UGT1A8: variants seen among roughly 807,000 people sequenced by gnomAD.
UGT1A8 encodes the protein UDP glucuronosyltransferase family 1 member A8, also known as UDP-glucuronosyltransferase 1A8.
A neutral mutation model predicts 45.3 loss-of-function variants in UGT1A8; 39 were observed. The ratio of observed to expected loss-of-function variants is 0.86; its 90% confidence interval spans 0.67 to 1.12. The LOEUF is 1.12. UGT1A8 is among the 50% of genes most tolerant of loss of function. UGT1A8 has a pLI of 0.00. For missense variants in UGT1A8, 719 were observed against 664.9 expected, an observed-to-expected ratio of 1.08 and a Z score of -0.90; for synonymous variants, 275 against 249.2, an observed-to-expected ratio of 1.10 and a Z score of -0.97.
intron 1 of UGT1A8, chr2:233,682,622 G>C: frequency 6.2e-7 from 1 of 1,613,866 alleles, no homozygotes; most frequent in Non-Finnish European, 8.5e-7. Flanking sequence ...AAATGTCTTA[G>C]AAATAGCCTC....
chr2:233,650,804 A>G (rs902518097), intron 1 of UGT1A8, among the ~76,000 whole-genome samples: 11 of 152,346 alleles, frequency 7.2e-5, no homozygotes, highest in African/African-American at 2.6e-4. Flanking sequence ...ACAAGTTAGT[A>G]AAAGTTTGTT....
At chr2:233,749,591 G>A (rs1280802236) in intron 1 of UGT1A8, among the ~76,000 whole-genome samples, 27 of 151,796 alleles carry the variant, frequency 1.8e-4, no homozygotes. Context: ...GTCTCAACAT[G>A]AAGTCACACT....
At chr2:233,648,897 T>A (rs1018086317) in intron 1 of UGT1A8, 1 of 1,327,890 alleles carries the variant, frequency 7.5e-7, no homozygotes, top group Non-Finnish European at 1.1e-6. Flanking sequence ...TCATGGCATA[T>A]GATCTCTACA....
At position 233,690,776 on chromosome 2, in the gene UGT1A8, TACACACACACACACAC is replaced by T. The variant is rs34459843; in HGVS notation, c.855+72223_855+72238del. The stretch of plus-strand genomic sequence containing the variant: ...GTGCAGACATACACACACACACACA[TACACACACACACACAC>T]ACACACACCATTCTTAGTACAGTCA... On this transcript the variant is annotated intron_variant, in intron 1 of 4. Transcript: ENST00000373450. 15 of 1,063,430 alleles carry T rather than the reference TACACACACACACACAC, an allele frequency of 1.4e-5. No homozygotes were observed. The East Asian group carries it at 1.0e-3, about 71-fold the overall frequency. 65.9% of individuals were successfully genotyped at this position (1,063,430 alleles called of 1,614,324 possible). A position where few individuals can be genotyped will look rare whatever the true frequency, so the allele number is the denominator to read the frequency against.
intron 1 of UGT1A8, among the ~76,000 whole-genome samples, chr2:233,724,347 C>T (rs1207944594): frequency 5.4e-5 from 8 of 147,950 alleles, no homozygotes; most frequent in East Asian, 2.1e-4. Flanking sequence ...CTGACCCCCC[C>T]CACCTCCCTC....
chr2:233,743,079 G>C, intron 1 of UGT1A8: 3 of 345,058 alleles, frequency 8.7e-6, no homozygotes, highest in South Asian at 6.9e-5. Flanking sequence ...TTGGCATGAA[G>C]TGTTTATAAA....
chr2:233,657,174 A>C (rs2073874133), intron 1 of UGT1A8, among the ~76,000 whole-genome samples: 5 of 152,176 alleles, frequency 3.3e-5, no homozygotes, highest in Admixed American at 3.3e-4. Context: ...ACTAGCTATC[A>C]AGGTCCCCCA....
At chr2:233,668,335 T>C (rs1031677618) in intron 1 of UGT1A8, among the ~76,000 whole-genome samples, 1 of 152,164 alleles carries the variant, frequency 6.6e-6, no homozygotes, top group African/African-American at 2.4e-5. Context: ...GATAGTTTGC[T>C]CAGAATGATG....
intron 3 of UGT1A8, 132 bp downstream of exon 3, chr2:233,768,068 A>C: frequency 6.3e-7 from 1 of 1,596,810 alleles, no homozygotes; most frequent in African/African-American, 1.3e-5. Flanking sequence ...CTTTTTATCT[A>C]GTGGGGTATC....
rs371007453 is a variant in UGT1A8, at chr2:233,617,739, C to T, written c.32C>T (p.Pro11Leu). 9 of 1,613,986 alleles carry T rather than the reference C, an allele frequency of 5.6e-6. No homozygotes were observed. In the African/African-American group the frequency reaches 1.1e-4, roughly 19 times the overall value. The part of the protein sequence containing the change: MARTGWTSPI[P>L]LCVSLLLTCG... ...CGCACAGGGTGGACCAGCCCCATTC[C>T]CCTATGTGTTTCTCTGCTGCTGACC... Residue 11 changes from proline (P) to leucine (L), a missense_variant, in exon 1 of 5, where the codon CCC (proline) becomes CTC (leucine). Physicochemically the swap from Pro to Leu is moderately conservative, Grantham distance 98. Transcript: ENST00000373450.
At chr2:233,663,637 G>C (rs915119979) in intron 1 of UGT1A8, among the ~76,000 whole-genome samples, 2 of 152,152 alleles carry the variant, frequency 1.3e-5, no homozygotes, top group African/African-American at 4.8e-5. Context: ...CCTACAAAGG[G>C]AATCTAGTCC....
chr2:233,668,803 A>T (rs1473711548), intron 1 of UGT1A8, among the ~76,000 whole-genome samples: 1 of 152,214 alleles, frequency 6.6e-6, no homozygotes, highest in African/African-American at 2.4e-5. Context: ...ATTAATTTTT[A>T]CCTAATGTCC....
rs561946796 is a variant in UGT1A8, at chr2:233,772,692, G to A, written c.*133G>A. Reference sequence around the variant, plus strand: ...TGCATAAATTAATCAGCCCCAGAGTGCTTTAAAAAATTCTCTTAAATAAAA... The same window carrying A: ...TGCATAAATTAATCAGCCCCAGAGTACTTTAAAAAATTCTCTTAAATAAAA... On this transcript the variant is annotated 3_prime_UTR_variant, in exon 5 of 5. Coordinates refer to ENST00000373450, the MANE Select transcript of UGT1A8 (RefSeq NM_019076.5). 1.0e-4 allele frequency: 156 copies of A among 1,485,828 alleles called. No homozygotes were observed. In the South Asian group the frequency reaches 1.7e-3, roughly 16 times the overall value. 92.0% of individuals were successfully genotyped at this position (1,485,828 alleles called of 1,614,324 possible). A position where few individuals can be genotyped will look rare whatever the true frequency, so the allele number is the denominator to read the frequency against.
chr2:233,629,144 A>G (rs2073144134), intron 1 of UGT1A8, among the ~76,000 whole-genome samples: 1 of 152,142 alleles, frequency 6.6e-6, no homozygotes, highest in Non-Finnish European at 1.5e-5. Context: ...AGCCCTTGCC[A>G]ACCAGCATTC....
chr2:233,651,055 C>T lies in UGT1A8; in HGVS notation c.855+32493C>T, dbSNP rs553142518. ...TGGGAAAATGAAATAATGTAAAAAA[C>T]AGGAAGACTACAGTTTTAGACCTTT... On this transcript the variant is annotated intron_variant, in intron 1 of 4. Coordinates refer to ENST00000373450, the MANE Select transcript of UGT1A8 (RefSeq NM_019076.5). Among the ~76,000 whole-genome samples, 74 of 152,282 alleles carry T rather than the reference C, an allele frequency of 4.9e-4. 1 individual carries two copies. The highest frequency in any genetic ancestry group is 1.4e-3 in the Admixed American group (21 of 15,290).
chr2:233,663,446 G>A (rs894814234), intron 1 of UGT1A8, among the ~76,000 whole-genome samples: 1 of 152,036 alleles, frequency 6.6e-6, no homozygotes, highest in African/African-American at 2.4e-5. Context: ...CTGGGTGGGG[G>A]CCACAAGAGC....
chr2:233,684,850 G>T (rs541497962), intron 1 of UGT1A8, among the ~76,000 whole-genome samples: 1 of 152,194 alleles, frequency 6.6e-6, no homozygotes, highest in African/African-American at 2.4e-5. Flanking sequence ...ACACTGTATA[G>T]TGTTCCTTTC....
At chr2:233,743,556 T>A in intron 1 of UGT1A8, 1 of 1,367,030 alleles carries the variant, frequency 7.3e-7, no homozygotes, top group Non-Finnish European at 9.8e-7. Flanking sequence ...CCCAAAATAT[T>A]CTCCAGCGGG....
At chr2:233,718,625 T>G in intron 1 of UGT1A8, 2 of 913,422 alleles carry the variant, frequency 2.2e-6, no homozygotes, top group Non-Finnish European at 2.6e-6. Context: ...GCGTGATTGG[T>G]CTTTCCCAGG....
Sources: allele counts gnomAD v4.1 joint callset (sites outside exome capture counted in the v4.1 genomes callset), GRCh38; gene constraint gnomAD v4.1.1; transcripts MANE v1.5; gene names NCBI Gene and HGNC (gene_info 2026-07-23, HGNC 2026-07-21).